The following DCLK1 variants were observed in gnomAD, a reference collection of about 807,000 sequenced individuals.
The protein encoded by DCLK1 is serine/threonine-protein kinase DCLK1.
A neutral mutation model predicts 86.2 loss-of-function variants in DCLK1; 16 were observed. The ratio of observed to expected loss-of-function variants is 0.19; its 90% CI spans 0.13 to 0.28. The LOEUF (loss-of-function observed/expected upper bound fraction) is 0.28. Among genes scored for constraint, DCLK1 ranks in the 10% least tolerant of loss-of-function variants. The pLI, the probability that DCLK1 is intolerant of heterozygous loss-of-function variation, is 1.00. For missense variants in DCLK1, 590 were observed against 940.2 expected (o/e 0.63, Z 4.87); for synonymous variants, 369 against 370.5 (o/e 1.00, Z 0.05).
intron 3 of DCLK1, among the ~76,000 whole-genome samples, chr13:36,069,145 A>T (rs987536483): frequency 2.0e-5 from 3 of 152,206 alleles, no homozygotes; most frequent in African/African-American, 7.2e-5. Flanking sequence ...GGAATTGATC[A>T]CTGATGAAGA....
intron 3 of DCLK1, among the ~76,000 whole-genome samples, chr13:36,032,530 C>G (rs1882324548): frequency 6.6e-6 from 1 of 152,224 alleles, no homozygotes; most frequent in Non-Finnish European, 1.5e-5. Flanking sequence ...TTCGGTTTGG[C>G]TCTTAGAACT....
intron 4 of DCLK1, among the ~76,000 whole-genome samples, chr13:35,907,838 CT>C (rs981648535): frequency 4.2e-5 from 3 of 72,030 alleles, no homozygotes; most frequent in South Asian, 3.8e-4. Context: ...TATGAAAAAA[CT>C]TTAAAAAAAA....
intron 16 of DCLK1, among the ~76,000 whole-genome samples, chr13:35,781,723 C>T (rs2086529079): frequency 6.6e-6 from 1 of 152,110 alleles, no homozygotes; most frequent in South Asian, 2.1e-4. Context: ...TGCCTTTTAG[C>T]CCATCCATTA....
intron 4 of DCLK1, among the ~76,000 whole-genome samples, chr13:35,885,219 T>G (rs1873155470): frequency 6.6e-6 from 1 of 152,110 alleles, no homozygotes; most frequent in African/African-American, 2.4e-5. Context: ...CTGAATCCAC[T>G]TTGGGTAAAT....
intron 4 of DCLK1, among the ~76,000 whole-genome samples, chr13:35,904,575 T>C (rs1282506501): frequency 6.6e-6 from 1 of 152,084 alleles, no homozygotes; most frequent in East Asian, 1.9e-4. Context: ...AGAAGGGAGA[T>C]GGGGAAAGTG....
rs1007201349 is a variant in DCLK1 at position 35,774,428 on chromosome 13, G to A, written c.*107C>T. On this transcript the variant is annotated 3_prime_UTR_variant, in exon 17 of 17. Transcript: ENST00000360631. ...AAACACTTTCAGTTCTGCCATTCAA[G>A]CATTGAGCGCTAGATAGATCAGATG... 3 of 1,311,082 alleles carry A rather than the reference G, an allele frequency of 2.3e-6. No homozygotes were observed. The African/African-American group carries it at 4.5e-5, about 20-fold the overall frequency. 81.2% of individuals were successfully genotyped at this position (1,311,082 alleles called of 1,614,324 possible).
At chr13:35,777,675 T>C (rs567006843) in intron 16 of DCLK1, among the ~76,000 whole-genome samples, 1 of 152,296 alleles carries the variant, frequency 6.6e-6, no homozygotes, top group East Asian at 1.9e-4. Context: ...TGCTCATAAA[T>C]TCCTAAGGAG....
rs2153101961 is a variant in DCLK1, at chr13:35,805,750, A to G, written c.1893T>C (p.Asp631=). 6 of 1,613,896 alleles carry G rather than the reference A, an allele frequency of 3.7e-6. No individual in the cohort carries two copies. Among genetic ancestry groups the G allele is most frequent in the East Asian group, 2.2e-5 (1 of 44,868 alleles). The stretch of plus-strand genomic sequence containing the variant: ...GAACAGCAGAAAATCGCTGATCTAC[A>G]TCGACCAACAGCATCATGGTAATGA... The part of the protein sequence containing the change: ...KELITMMLLV[D]VDQRFSAVQV... The change falls in exon 15 of 17, where the codon GAT becomes GAC. Residue 631 remains aspartate, a synonymous_variant. Transcript: ENST00000360631.
chr13:35,842,147 T>G (rs898166474), intron 6 of DCLK1, among the ~76,000 whole-genome samples: 1 of 134,164 alleles, frequency 7.5e-6, no homozygotes, highest in African/African-American at 2.9e-5. Flanking sequence ...GAGAATGGCG[T>G]GAATCCAGGA....
At chr13:36,025,879 C>CA (rs1209004370) in intron 3 of DCLK1, among the ~76,000 whole-genome samples, 4 of 151,722 alleles carry the variant, frequency 2.6e-5, no homozygotes, top group African/African-American at 9.7e-5. Context: ...TACAGCAACA[C>CA]AGAGGTAAAT....
chr13:36,049,465 C>T (rs1412592729), intron 3 of DCLK1, among the ~76,000 whole-genome samples: 1 of 152,118 alleles, frequency 6.6e-6, no homozygotes, highest in Admixed American at 6.6e-5. Flanking sequence ...TAAACTTTCC[C>T]ATTCTTTGTC....
At chr13:35,818,550 G>C (rs982416967) in intron 11 of DCLK1, among the ~76,000 whole-genome samples, 2 of 152,104 alleles carry the variant, frequency 1.3e-5, no homozygotes, top group Non-Finnish European at 2.9e-5. Flanking sequence ...AAAGATTTTT[G>C]AATGTTTATA....
intron 3 of DCLK1, among the ~76,000 whole-genome samples, chr13:36,007,537 AG>A (rs1235497134): frequency 1.3e-5 from 2 of 152,206 alleles, no homozygotes; most frequent in African/African-American, 4.8e-5. Context: ...CATGCTGGAA[AG>A]CTCTAAATAG....
chr13:35,802,007 A>T (rs1011767023), intron 15 of DCLK1, among the ~76,000 whole-genome samples: 6 of 152,008 alleles, frequency 3.9e-5, no homozygotes, highest in Non-Finnish European at 7.4e-5. Flanking sequence ...GAGCTCTGGC[A>T]CCTCCTTCTC....
chr13:35,802,431 T>C (rs1445428094), intron 15 of DCLK1, among the ~76,000 whole-genome samples: 1 of 152,132 alleles, frequency 6.6e-6, no homozygotes, highest in African/African-American at 2.4e-5. Flanking sequence ...CAAATTCAGA[T>C]TGTCTAGTTT....
Position 35,807,405 on chromosome 13 carries a change from C to A in DCLK1, c.1863+819G>T, listed in dbSNP as rs555436127. On this transcript the variant is annotated intron_variant, in intron 14 of 16. Transcript: ENST00000360631. ...TTTCCTCCCCCTCTGCCTCTAAATC[C>A]TGGCTATTATTCAAGGTTCAACTTA... 1.0e-3 allele frequency among the ~76,000 whole-genome samples: 158 copies of A among 152,286 alleles called. 1 individual carries two copies. Among genetic ancestry groups the A allele is most frequent in the African/African-American group, 3.6e-3 (149 of 41,556 alleles).
chr13:35,813,607 T>C (rs1463696162), intron 11 of DCLK1, among the ~76,000 whole-genome samples: 1 of 152,106 alleles, frequency 6.6e-6, no homozygotes, highest in African/African-American at 2.4e-5. Context: ...ACAAAATGAT[T>C]ATTAAAAGTA....
intron 3 of DCLK1, among the ~76,000 whole-genome samples, chr13:36,048,314 C>G (rs1184240737): frequency 6.6e-6 from 1 of 152,042 alleles, no homozygotes; most frequent in African/African-American, 2.4e-5. Flanking sequence ...ACAACTAAAA[C>G]AGTATAAAAA....
intron 5 of DCLK1, among the ~76,000 whole-genome samples, chr13:35,861,304 T>A (rs945093241): frequency 6.6e-6 from 1 of 152,202 alleles, no homozygotes; most frequent in East Asian, 1.9e-4. Context: ...AATTAGGAAA[T>A]TTTTGGATCT....
Sources: allele counts gnomAD v4.1 joint callset (sites outside exome capture counted in the v4.1 genomes callset), GRCh38; gene constraint gnomAD v4.1.1; transcripts MANE v1.5; gene names NCBI Gene and HGNC (gene_info 2026-07-23, HGNC 2026-07-21).